SGCD: variants seen among roughly 807,000 people sequenced by gnomAD.
SGCD encodes sarcoglycan delta, also known as delta-sarcoglycan.
Under a neutral mutation model 36.6 loss-of-function variants are expected in SGCD, and 18 were observed. The observed-to-expected ratio is 0.49, with a 90% confidence interval of 0.34 to 0.73. The LOEUF is 0.73. SGCD is among the 30% of genes least tolerant of loss of function. The pLI is 0.01. For missense variants in SGCD, 387 were observed against 346.7 expected (o/e 1.12, Z -0.92); for synonymous variants, 133 against 130.6 (o/e 1.02, Z -0.12).
At chr5:156,410,226 A>G (rs1302221148) in intron 3 of SGCD, among the ~76,000 whole-genome samples, 1 of 152,230 alleles carries the variant, frequency 6.6e-6, no homozygotes, top group Non-Finnish European at 1.5e-5. Context: ...GAATGAAATC[A>G]CATCCTTCAC....
At chr5:155,779,445 C>CA in the SGCD span, among the ~76,000 whole-genome samples, 85 of 150,894 alleles carry the variant, frequency 5.6e-4, no homozygotes, top group Admixed American at 4.2e-3. Context: ...CCAAAAAAAA[C>CA]AAAAAAAATG....
chr5:156,510,055 TA>T, intron 4 of SGCD, among the ~76,000 whole-genome samples: 1 of 152,238 alleles, frequency 6.6e-6, no homozygotes, highest in East Asian at 1.9e-4. Flanking sequence ...CTGAATGTTA[TA>T]CAAAATCTTG....
At chr5:156,708,746 G>T (rs77043724) in intron 7 of SGCD, among the ~76,000 whole-genome samples, 3,593 of 152,242 alleles carry the variant, frequency 0.024, 82 homozygotes, top group African/African-American at 0.047. Flanking sequence ...GTGTGTGTGC[G>T]TGTGTGAGAG....
At chr5:156,429,106 C>G (rs1773807190) in intron 3 of SGCD, among the ~76,000 whole-genome samples, 1 of 151,838 alleles carries the variant, frequency 6.6e-6, no homozygotes, top group Admixed American at 6.6e-5. Context: ...TTATTGAAGT[C>G]CCCCAGTGTT....
intron 4 of SGCD, among the ~76,000 whole-genome samples, chr5:156,587,189 T>G (rs765936818): frequency 6.6e-6 from 1 of 152,176 alleles, no homozygotes; most frequent in Non-Finnish European, 1.5e-5. Context: ...GCCCTTTTGT[T>G]AGGAGGAAAG....
chr5:155,924,032 G>A (rs1756943432), intron 1 of SGCD, among the ~76,000 whole-genome samples: 1 of 152,148 alleles, frequency 6.6e-6, no homozygotes, highest in Non-Finnish European at 1.5e-5. Flanking sequence ...GAGCAAGGCA[G>A]TGTAGATGAT....
chr5:156,307,779 A>G (rs1767264875), intron 3 of SGCD, among the ~76,000 whole-genome samples: 1 of 151,920 alleles, frequency 6.6e-6, no homozygotes, highest in Admixed American at 6.6e-5. Flanking sequence ...TAACACAAAC[A>G]AGTCTGCTGC....
the SGCD span, among the ~76,000 whole-genome samples, chr5:155,793,612 G>A: frequency 6.6e-6 from 1 of 151,348 alleles, no homozygotes; most frequent in East Asian, 1.9e-4. Context: ...TGTGATCTCA[G>A]CTCACTGCAA....
chr5:156,692,715 AT>A, intron 7 of SGCD, among the ~76,000 whole-genome samples: 1 of 152,192 alleles, frequency 6.6e-6, no homozygotes, highest in Non-Finnish European at 1.5e-5. Context: ...ATGCTTTTAA[AT>A]TGCTAAGTGT....
intron 5 of SGCD, among the ~76,000 whole-genome samples, chr5:156,594,700 C>T (rs1228264870): frequency 6.6e-6 from 1 of 151,994 alleles, no homozygotes; most frequent in Non-Finnish European, 1.5e-5. Flanking sequence ...AAATTATAGC[C>T]CAAGAATATA....
chr5:156,271,021 A>T (rs1050073783), intron 3 of SGCD, among the ~76,000 whole-genome samples: 1 of 152,214 alleles, frequency 6.6e-6, no homozygotes, highest in African/African-American at 2.4e-5. Flanking sequence ...CTCTTCCACC[A>T]CTGGAACTGA....
intron 7 of SGCD, among the ~76,000 whole-genome samples, chr5:156,733,409 G>C (rs999241351): frequency 6.6e-6 from 1 of 151,958 alleles, no homozygotes; most frequent in Non-Finnish European, 1.5e-5. Flanking sequence ...GTCATTTTGC[G>C]TCTGCTGAGG....
intron 1 of SGCD, among the ~76,000 whole-genome samples, chr5:155,896,707 A>G (rs1756270632): frequency 1.3e-5 from 2 of 152,166 alleles, no homozygotes; most frequent in African/African-American, 2.4e-5. Flanking sequence ...TAGGAGATGG[A>G]ATAAGTCAGT....
At chr5:156,578,202 G>T (rs1760065643) in intron 4 of SGCD, among the ~76,000 whole-genome samples, 1 of 152,138 alleles carries the variant, frequency 6.6e-6, no homozygotes, top group Non-Finnish European at 1.5e-5. Context: ...TTCTGTTTAT[G>T]TGATGGGTTA....
chr5:156,057,221 C>T (rs1446101175), intron 1 of SGCD, among the ~76,000 whole-genome samples: 1 of 146,396 alleles, frequency 6.8e-6, no homozygotes, highest in Non-Finnish European at 1.5e-5. Flanking sequence ...CATTGCCTAT[C>T]ATTTCATACA....
intron 1 of SGCD, among the ~76,000 whole-genome samples, chr5:155,985,666 C>G (rs948320419): frequency 2.0e-5 from 3 of 152,236 alleles, no homozygotes; most frequent in African/African-American, 7.2e-5. Flanking sequence ...TCCCCTACTT[C>G]TGCAGATGTC....
chr5:156,669,052 G>T (rs1475798331), intron 7 of SGCD, among the ~76,000 whole-genome samples: 4 of 152,118 alleles, frequency 2.6e-5, no homozygotes, highest in Non-Finnish European at 5.9e-5. Flanking sequence ...GGCCCACATG[G>T]GGTCCTGTCA....
At chr5:155,930,467 G>GA (rs1757078432) in intron 1 of SGCD, among the ~76,000 whole-genome samples, 1 of 152,178 alleles carries the variant, frequency 6.6e-6, no homozygotes, top group South Asian at 2.1e-4. Flanking sequence ...GAATTAGAAA[G>GA]AAAAACACAC....
intron 3 of SGCD, among the ~76,000 whole-genome samples, chr5:156,165,286 C>T (rs1179955028): frequency 6.6e-6 from 1 of 151,954 alleles, no homozygotes; most frequent in Non-Finnish European, 1.5e-5. Context: ...AGAACAACAC[C>T]CCTTTATGTT....
Sources: gnomAD v4.1 joint callset for allele counts (sites outside exome capture counted in the v4.1 genomes callset) on GRCh38, gnomAD v4.1.1 for gene constraint, MANE v1.5 for transcripts, NCBI Gene and HGNC (gene_info 2026-07-23, HGNC 2026-07-21) for gene names.